KIAA1549: variants seen among roughly 807,000 people sequenced by gnomAD.
KIAA1549 encodes the protein UPF0606 protein KIAA1549.
Under a neutral mutation model 156.4 loss-of-function variants are expected in KIAA1549, and 70 were observed. That is an observed-to-expected ratio of 0.45 (90% CI 0.37 to 0.55). The LOEUF is 0.55. KIAA1549 is among the 20% of genes least tolerant of loss of function. The probability of loss-of-function intolerance (pLI) is 0.00; values close to 1 mark genes in which losing one functional copy is unlikely to be tolerated. For missense variants in KIAA1549, 2,428 were observed against 2,540.9 expected, an observed-to-expected ratio of 0.96 and a Z score of 0.96; for synonymous variants, 1,103 against 1,066.4, an observed-to-expected ratio of 1.03 and a Z score of -0.67.
intron 1 of KIAA1549, among the ~76,000 whole-genome samples, chr7:138,945,333 A>G (rs571665253): frequency 6.6e-6 from 1 of 152,314 alleles, no homozygotes; most frequent in East Asian, 1.9e-4. Flanking sequence ...GGCAGTTCTC[A>G]GAGCTTCTTG....
chr7:138,859,808 C>T (rs578128159), intron 16 of KIAA1549, among the ~76,000 whole-genome samples: 175 of 152,320 alleles, frequency 1.1e-3, no homozygotes, highest in Non-Finnish European at 2.0e-3. Context: ...AAGGTAAACC[C>T]AGCCTCTGTT....
At chr7:138,888,577 C>T (rs901452883) in intron 10 of KIAA1549, among the ~76,000 whole-genome samples, 1 of 152,228 alleles carries the variant, frequency 6.6e-6, no homozygotes, top group Non-Finnish European at 1.5e-5. Context: ...TTCTAAACCC[C>T]ACACTTACTA....
Position 138,918,210 on chromosome 7 carries a change from A to T in KIAA1549, c.1416T>A (p.Ser472=). Residue 472 remains serine, a synonymous_variant, in exon 2 of 20, where the codon TCT becomes TCA. Transcript: ENST00000422774. This position sits in a 1 kb window ranked among gnomAD's most constrained non-coding sequence, Gnocchi z 4.2. ...ATACTTGAGGATCTTCCTCAAATTC[A>T]GAGAAGTCTGCTACGACGCTACTCA... ...SLMSSVVADF[S]EFEEDPQVFN... 1 of 1,614,038 alleles carries T rather than the reference A, an allele frequency of 6.2e-7. No individual in the cohort carries two copies. Among genetic ancestry groups the T allele is most frequent in the Non-Finnish European group, 8.5e-7 (1 of 1,179,886 alleles).
At chr7:138,931,642 C>T (rs1812874686) in intron 1 of KIAA1549, among the ~76,000 whole-genome samples, 1 of 151,426 alleles carries the variant, frequency 6.6e-6, no homozygotes, top group East Asian at 1.9e-4. Flanking sequence ...ATCCCATCTA[C>T]TCGGGAGGCT....
chr7:138,915,542 C>T (rs1012879223), intron 2 of KIAA1549, among the ~76,000 whole-genome samples: 3 of 152,082 alleles, frequency 2.0e-5, no homozygotes, highest in Non-Finnish European at 4.4e-5. Flanking sequence ...AGGATCCTCG[C>T]TCCCACCTGC....
intron 1 of KIAA1549, among the ~76,000 whole-genome samples, chr7:138,929,589 C>G (rs1001119054): frequency 6.6e-6 from 1 of 152,158 alleles, no homozygotes; most frequent in South Asian, 2.1e-4. Flanking sequence ...AATGGTGAAC[C>G]TTTTCCAGAA....
At chr7:138,946,812 T>C (rs1813351004) in intron 1 of KIAA1549, among the ~76,000 whole-genome samples, 1 of 152,156 alleles carries the variant, frequency 6.6e-6, no homozygotes, top group Non-Finnish European at 1.5e-5. Context: ...CCACCCCGTC[T>C]GTAATGCCTT....
At chr7:138,922,345 A>G (rs902674878) in intron 1 of KIAA1549, among the ~76,000 whole-genome samples, 2 of 152,234 alleles carry the variant, frequency 1.3e-5, no homozygotes, top group Non-Finnish European at 2.9e-5. Context: ...CTGCAGCTAG[A>G]GTTGCAGAGC....
intron 1 of KIAA1549, among the ~76,000 whole-genome samples, chr7:138,926,008 T>TA: frequency 6.6e-6 from 1 of 152,164 alleles, no homozygotes; most frequent in South Asian, 2.1e-4. Context: ...GCTGGGAAAA[T>TA]ACCTCCTCCT....
rs749938588 is a variant in KIAA1549, at chr7:138,832,191, C to CTTTTTTTTTTTTTTTTTTTTTT, written c.*5714_*5715insAAAAAAAAAAAAAAAAAAAAAA. The CTTTTTTTTTTTTTTTTTTTTTT allele has an allele frequency of 2.1e-5, 3 of 140,252 alleles. No individual in the cohort carries two copies. Among genetic ancestry groups the CTTTTTTTTTTTTTTTTTTTTTT allele is most frequent in the African/African-American group, 1.0e-4 (3 of 29,852 alleles). 8.7% of individuals were successfully genotyped at this position (140,252 alleles called of 1,614,324 possible). The stretch of plus-strand genomic sequence containing the variant: ...TCACCTCTGTCCCTTTTACCTATTC[C>CTTTTTTTTTTTTTTTTTTTTTT]TTTTTTTTTTTTTTTTTTTTCCAGA... On this transcript the variant is annotated 3_prime_UTR_variant, in exon 20 of 20. Transcript: ENST00000422774.
At chr7:138,940,956 T>C (rs1472176055) in intron 1 of KIAA1549, among the ~76,000 whole-genome samples, 1 of 152,174 alleles carries the variant, frequency 6.6e-6, no homozygotes, top group Non-Finnish European at 1.5e-5. Context: ...TTTCTCCCAT[T>C]CTGTAGGTTG....
intron 1 of KIAA1549, among the ~76,000 whole-genome samples, chr7:138,934,235 T>G (rs1019049799): frequency 6.6e-6 from 1 of 151,940 alleles, no homozygotes. Context: ...GAACGGAACC[T>G]GCAGAGAAAG....
At chr7:138,960,272 C>T (rs190904862) in intron 1 of KIAA1549, among the ~76,000 whole-genome samples, 127 of 150,188 alleles carry the variant, frequency 8.5e-4, no homozygotes, top group Non-Finnish European at 1.4e-3. Context: ...CTCATCTCTA[C>T]AAAAATAAAT....
rs1812428766 is a variant in KIAA1549 at position 138,918,594 on chromosome 7, A to G, written c.1032T>C (p.Thr344=). ...CAAGGGCTGCGTGCGATGCAGTCAC[A>G]GTGGGGTATGTTCTTGGAGAGATGG... ...EETISPRTYP[T]VTASHAALAF... The change falls in exon 2 of 20, where the codon ACT becomes ACC. Residue 344 remains threonine, a synonymous_variant. Transcript: ENST00000422774. This position sits in a 1 kb window ranked among gnomAD's most constrained non-coding sequence, Gnocchi z 4.2. 5.6e-6 allele frequency: 9 copies of G among 1,614,024 alleles called. No individual in the cohort carries two copies. The highest frequency in any genetic ancestry group is 7.6e-6 in the Non-Finnish European group (9 of 1,179,900).
chr7:138,976,484 T>C (rs1233686951), intron 1 of KIAA1549, among the ~76,000 whole-genome samples: 1 of 152,234 alleles, frequency 6.6e-6, no homozygotes, highest in Admixed American at 6.5e-5. Flanking sequence ...AGTTTGAAGA[T>C]ATTTTGAGAT....
chr7:138,937,810 G>C (rs1338872495), intron 1 of KIAA1549, among the ~76,000 whole-genome samples: 3 of 152,194 alleles, frequency 2.0e-5, no homozygotes, highest in African/African-American at 7.2e-5. Flanking sequence ...GGGTTTGAGA[G>C]AGAAATCTGG....
rs926360287 is a variant in KIAA1549 at position 138,918,866 on chromosome 7, G to A, written c.760C>T (p.Pro254Ser). Reference sequence around the variant, plus strand: ...GATAAATGACTGTAAGCATCAGTAGGATAAAGCACCAAATTCCTGCCAGGA... The same window carrying A: ...GATAAATGACTGTAAGCATCAGTAGAATAAAGCACCAAATTCCTGCCAGGA... ...PTPGRNLVLY[P>S]TDAYSHLSSR... is the part of the protein sequence containing the mutation. The change falls in exon 2 of 20, where the codon CCT becomes TCT. Residue 254 changes from proline to serine, a missense_variant. Around this residue, in one of 5 missense-constraint regions of KIAA1549, gnomAD observed 893 missense variants for 847.9 expected, o/e 1.05. Coordinates refer to ENST00000422774, the MANE Select transcript of KIAA1549 (RefSeq NM_001164665.2). The surrounding 1 kb of genome is among the most constrained non-coding windows in gnomAD (Gnocchi z 4.2). 2 of 1,614,044 alleles carry A rather than the reference G, an allele frequency of 1.2e-6. No individual in the cohort carries two copies. The highest frequency in any genetic ancestry group is 1.7e-5 in the Admixed American group (1 of 60,032).
At chr7:138,848,514 T>G (rs1810141796) in intron 17 of KIAA1549, among the ~76,000 whole-genome samples, 1 of 152,202 alleles carries the variant, frequency 6.6e-6, no homozygotes, top group Admixed American at 6.5e-5. Flanking sequence ...TGGAAAGAAA[T>G]CCAATGTGGT....
At chr7:138,899,766 C>T (rs1352772208) in intron 8 of KIAA1549, among the ~76,000 whole-genome samples, 1 of 152,178 alleles carries the variant, frequency 6.6e-6, no homozygotes, top group Non-Finnish European at 1.5e-5. Flanking sequence ...ATCACCCCCA[C>T]CCACCACAGG....
Sources: allele counts gnomAD v4.1 joint callset (sites outside exome capture counted in the v4.1 genomes callset), GRCh38; gene constraint gnomAD v4.1.1; regional missense constraint gnomAD v4.1.1; non-coding constraint Gnocchi (gnomAD v3.1); transcripts MANE v1.5; gene names NCBI Gene and HGNC (gene_info 2026-07-23, HGNC 2026-07-21).